Variants in RALGPS1 observed in about 807,000 individuals in gnomAD.
RALGPS1 encodes the protein Ral GEF with PH domain and SH3 binding motif 1, also known as ras-specific guanine nucleotide-releasing factor RalGPS1.
In RALGPS1, 19 loss-of-function variants were observed where a neutral mutation model predicts 78.8. The ratio of observed to expected loss-of-function variants is 0.24; its 90% confidence interval spans 0.17 to 0.35. RALGPS1 has a LOEUF of 0.35. Among genes scored for constraint, RALGPS1 ranks in the 10% least tolerant of loss-of-function variants. RALGPS1 has a pLI of 1.00. For missense variants in RALGPS1, 454 were observed against 688.3 expected (o/e 0.66, Z 3.81); for synonymous variants, 228 against 256.3 (o/e 0.89, Z 1.06).
intron 8 of RALGPS1, among the ~76,000 whole-genome samples, chr9:127,144,473 T>C (rs1391602048): frequency 6.6e-6 from 1 of 152,206 alleles, no homozygotes; most frequent in East Asian, 1.9e-4. Context: ...TAAAAAATCA[T>C]GTAGTGTGAC....
intron 4 of RALGPS1, among the ~76,000 whole-genome samples, chr9:127,010,980 CT>C (rs1336802759): frequency 6.6e-6 from 1 of 152,128 alleles, no homozygotes; most frequent in African/African-American, 2.4e-5. Context: ...CCATCTGGGT[CT>C]TTTGGGTTCT....
chr9:127,178,427 C>G, intron 11 of RALGPS1: 4 of 1,052,428 alleles, frequency 3.8e-6, no homozygotes, highest in Non-Finnish European at 4.6e-6. Flanking sequence ...TCCTCCTTCA[C>G]AGGGTAGTGT....
chr9:127,071,494 C>G (rs2050199414), intron 8 of RALGPS1, among the ~76,000 whole-genome samples: 1 of 152,104 alleles, frequency 6.6e-6, no homozygotes, highest in African/African-American at 2.4e-5. Flanking sequence ...TATGGACTTT[C>G]CATGTTTGTC....
intron 1 of RALGPS1, among the ~76,000 whole-genome samples, chr9:126,936,039 G>A (rs1218454890): frequency 6.6e-6 from 1 of 152,204 alleles, no homozygotes; most frequent in East Asian, 1.9e-4. Context: ...GGGACCAAAG[G>A]GCAGAGAATC....
At chr9:127,129,493 AAAGAC>A (rs2056861585) in intron 8 of RALGPS1, among the ~76,000 whole-genome samples, 3 of 152,190 alleles carry the variant, frequency 2.0e-5, no homozygotes, top group African/African-American at 7.2e-5. Flanking sequence ...TTCCCATTCC[AAAGAC>A]CAGCCAAGCT....
At chr9:127,161,010 C>T (rs887214121) in intron 8 of RALGPS1, among the ~76,000 whole-genome samples, 1 of 152,228 alleles carries the variant, frequency 6.6e-6, no homozygotes, top group African/African-American at 2.4e-5. Context: ...GTCCCTGGCA[C>T]TGTCCAGCCC....
At chr9:126,969,572 G>A (rs605878) in intron 3 of RALGPS1, among the ~76,000 whole-genome samples, 89,109 of 152,142 alleles carry the variant, frequency 0.59, 30,192 homozygotes, top group East Asian at 0.81. Flanking sequence ...TCGCAGGCCA[G>A]TGGCCTAGCT....
intron 8 of RALGPS1, chr9:127,087,760 T>C (rs1220653549): frequency 6.6e-6 from 1 of 152,130 alleles, no homozygotes; most frequent in Non-Finnish European, 1.5e-5. Flanking sequence ...GAAGTGTAGT[T>C]TGGAGATGAG....
intron 8 of RALGPS1, among the ~76,000 whole-genome samples, chr9:127,112,938 A>ACTAGTG (rs2054998436): frequency 6.6e-6 from 1 of 152,180 alleles, no homozygotes; most frequent in African/African-American, 2.4e-5. Context: ...TGTTATGCCC[A>ACTAGTG]TTTCTAGGCT....
intron 10 of RALGPS1, among the ~76,000 whole-genome samples, chr9:127,174,131 A>G (rs774512576): frequency 3.3e-5 from 5 of 151,690 alleles, no homozygotes; most frequent in Non-Finnish European, 7.4e-5. Flanking sequence ...TTGGGGACGC[A>G]TGCCTGTATT....
intron 3 of RALGPS1, among the ~76,000 whole-genome samples, chr9:126,974,825 C>A (rs759805500): frequency 3.3e-5 from 5 of 152,120 alleles, no homozygotes; most frequent in Non-Finnish European, 5.9e-5. Context: ...TAACATACCC[C>A]TAGAAAATGC....
intron 4 of RALGPS1, among the ~76,000 whole-genome samples, chr9:127,006,430 A>T (rs2043848887): frequency 6.6e-6 from 1 of 152,178 alleles, no homozygotes; most frequent in Admixed American, 6.5e-5. Context: ...TTAGTATACC[A>T]CTGCCTTCCT....
intron 1 of RALGPS1, among the ~76,000 whole-genome samples, chr9:126,956,901 A>C (rs1368537918): frequency 6.6e-6 from 1 of 152,164 alleles, no homozygotes; most frequent in Non-Finnish European, 1.5e-5. Context: ...ACGTTTCCTC[A>C]TCCAGTGCTC....
chr9:127,187,485 C>T (rs552818335), intron 11 of RALGPS1, among the ~76,000 whole-genome samples: 107 of 152,356 alleles, frequency 7.0e-4, no homozygotes, highest in Non-Finnish European at 7.9e-4. Context: ...CTAAGAGTTT[C>T]CACCTCAAGT....
intron 6 of RALGPS1, 92 bp from the exon 7 acceptor site, chr9:127,052,755 A>G (rs902542910): frequency 2.5e-6 from 2 of 804,688 alleles, no homozygotes; most frequent in Non-Finnish European, 4.1e-6. Flanking sequence ...GTGTAATTGA[A>G]TTTCATAAAT....
At chr9:127,056,746 AT>A (rs2048781439) in intron 7 of RALGPS1, among the ~76,000 whole-genome samples, 1 of 151,776 alleles carries the variant, frequency 6.6e-6, no homozygotes, top group African/African-American at 2.4e-5. Context: ...GATGATGTTG[AT>A]TTTTCTCTGT....
chr9:127,016,111 C>T (rs2044798095), intron 4 of RALGPS1, among the ~76,000 whole-genome samples: 2 of 151,970 alleles, frequency 1.3e-5, no homozygotes, highest in African/African-American at 4.8e-5. Flanking sequence ...CCTTCCCTGC[C>T]ACCCCACTGT....
intron 8 of RALGPS1, among the ~76,000 whole-genome samples, chr9:127,108,954 A>G (rs2054534293): frequency 6.6e-6 from 1 of 152,160 alleles, no homozygotes. Flanking sequence ...TGGAAGCAAG[A>G]GGAGACAGGC....
intron 8 of RALGPS1, among the ~76,000 whole-genome samples, chr9:127,146,021 A>G (rs771525077): frequency 2.0e-5 from 3 of 152,246 alleles, no homozygotes; most frequent in Non-Finnish European, 4.4e-5. Context: ...TGTTTCCTGC[A>G]GTATCTGCGG....
Sources: allele counts gnomAD v4.1 joint callset (sites outside exome capture counted in the v4.1 genomes callset), GRCh38; gene constraint gnomAD v4.1.1; transcripts MANE v1.5; gene names NCBI Gene and HGNC (gene_info 2026-07-23, HGNC 2026-07-21).